ZFHX3: variants seen among roughly 807,000 people sequenced by gnomAD.
ZFHX3 encodes zinc finger homeobox 3.
ZFHX3 carries 42 observed loss-of-function variants against 279.1 expected under a neutral mutation model. The observed-to-expected ratio is 0.15, with a 90% CI of 0.12 to 0.19. The LOEUF (loss-of-function observed/expected upper bound fraction) is 0.19. Among genes scored for constraint, ZFHX3 ranks in the 10% least tolerant of loss-of-function variants. The probability of loss-of-function intolerance (pLI) is 1.00; values close to 1 mark genes in which losing one functional copy is unlikely to be tolerated. For missense variants in ZFHX3, 4,981 were observed against 4,754.0 expected (o/e 1.05, Z -1.40); for synonymous variants, 2,293 against 1,957.8 (o/e 1.17, Z -4.52).
intron 1 of ZFHX3, among the ~76,000 whole-genome samples, chr16:73,036,561 GGGAGGTTGAAAAGGCGCAGGGA>G (rs1269261580): frequency 1.3e-5 from 2 of 152,046 alleles, no homozygotes; most frequent in Non-Finnish European, 2.9e-5. Flanking sequence ...TCTAAAGAGG[GGGAGGTTGAAAAGGCGCAGGGA>G]GGAGGAGGGA....
chr16:73,494,194 G>A (rs534951519), intron 2 of ZFHX3, among the ~76,000 whole-genome samples: 1 of 152,230 alleles, frequency 6.6e-6, no homozygotes, highest in South Asian at 2.1e-4. Flanking sequence ...TAGTCAATTC[G>A]TTCAGGTCCC....
intron 9 of ZFHX3, 92 bp from the exon 10 acceptor site, chr16:72,788,940 T>G: frequency 6.7e-7 from 1 of 1,482,416 alleles, no homozygotes; most frequent in Non-Finnish European, 9.0e-7. Context: ...GGCACACAGT[T>G]TGAGATGTCA....
At chr16:73,417,641 T>C (rs1285236565) in intron 3 of ZFHX3, among the ~76,000 whole-genome samples, 1 of 151,664 alleles carries the variant, frequency 6.6e-6, no homozygotes, top group Non-Finnish European at 1.5e-5. Flanking sequence ...AAATTTTTTG[T>C]TGTCTAAAAT....
chr16:73,734,576 A>C (rs558347976), intron 1 of ZFHX3, among the ~76,000 whole-genome samples: 1 of 152,290 alleles, frequency 6.6e-6, no homozygotes, highest in African/African-American at 2.4e-5. Context: ...TATTCCATTT[A>C]TAGAATTATC....
chr16:73,627,755 A>G (rs1234682083), intron 2 of ZFHX3, among the ~76,000 whole-genome samples: 1 of 152,074 alleles, frequency 6.6e-6, no homozygotes, highest in Admixed American at 6.6e-5. Flanking sequence ...TGTCTCTACT[A>G]AAAAACACAA....
chr16:72,850,518 T>G (rs142856425), intron 4 of ZFHX3, among the ~76,000 whole-genome samples: 114 of 152,286 alleles, frequency 7.5e-4, no homozygotes, highest in African/African-American at 2.6e-3. Flanking sequence ...CGAGAAGTTT[T>G]TAGGGACATT....
chr16:73,604,395 A>C (rs2052156152), intron 2 of ZFHX3, among the ~76,000 whole-genome samples: 1 of 152,118 alleles, frequency 6.6e-6, no homozygotes, highest in African/African-American at 2.4e-5. Context: ...AATCTAATCC[A>C]CTGGAAACAT....
Position 73,810,627 on chromosome 16 carries a change from T to G in ZFHX3, c.-1608+81024A>C, listed in dbSNP as rs895623292. Reference sequence around the variant, plus strand: ...GCAACCCTATAAATTATGGCATTTATTATTCCTGTTGCAAAAGAAGAAATA... The same window carrying G: ...GCAACCCTATAAATTATGGCATTTAGTATTCCTGTTGCAAAAGAAGAAATA... On this transcript the variant is annotated intron_variant, in intron 1 of 17. Coordinates refer to the ZFHX3 transcript ENST00000641206. Among the ~76,000 whole-genome samples the G allele has an allele frequency of 4.6e-5, 7 of 152,162 alleles. No individual in the cohort carries two copies. In the East Asian group the frequency reaches 1.4e-3, roughly 29 times the overall value.
chr16:73,019,202 T>C (rs1182001331), intron 1 of ZFHX3, among the ~76,000 whole-genome samples: 1 of 152,232 alleles, frequency 6.6e-6, no homozygotes, highest in Non-Finnish European at 1.5e-5. Context: ...AGTGGCCTGA[T>C]GCTGTTGAAA....
intron 5 of ZFHX3, among the ~76,000 whole-genome samples, chr16:73,235,820 G>A (rs766421538): frequency 3.3e-5 from 5 of 151,922 alleles, no homozygotes; most frequent in Admixed American, 6.6e-5. Flanking sequence ...ATAGGCATGC[G>A]CCACCACGCT....
chr16:72,855,222 T>C (rs2037726831), intron 4 of ZFHX3, among the ~76,000 whole-genome samples: 3 of 152,190 alleles, frequency 2.0e-5, no homozygotes, highest in African/African-American at 7.2e-5. Context: ...ACCAACCTCA[T>C]CAATTATAAC....
intron 2 of ZFHX3, among the ~76,000 whole-genome samples, chr16:73,493,599 G>A (rs1020088101): frequency 6.6e-6 from 1 of 152,202 alleles, no homozygotes; most frequent in African/African-American, 2.4e-5. Flanking sequence ...TACCTGGGAA[G>A]GACAGGTTCA....
intron 7 of ZFHX3, among the ~76,000 whole-genome samples, chr16:73,105,728 G>A (rs184445158): frequency 7.2e-5 from 11 of 152,294 alleles, no homozygotes; most frequent in Middle Eastern, 3.4e-3. Flanking sequence ...ACTCCAGCCT[G>A]TGTGAGAGAG....
At chr16:73,847,562 C>A (rs932113561) in intron 1 of ZFHX3, among the ~76,000 whole-genome samples, 35 of 152,212 alleles carry the variant, frequency 2.3e-4, no homozygotes, top group African/African-American at 8.2e-4. Flanking sequence ...CCACATCCAT[C>A]CTTTGGTGAA....
intron 4 of ZFHX3, among the ~76,000 whole-genome samples, chr16:73,315,792 T>C (rs1395718529): frequency 1.3e-5 from 2 of 152,206 alleles, no homozygotes; most frequent in African/African-American, 4.8e-5. Flanking sequence ...TCAAAGAATA[T>C]TTCCCTATAA....
At chr16:73,327,958 G>T (rs180898227) in intron 3 of ZFHX3, among the ~76,000 whole-genome samples, 1 of 152,220 alleles carries the variant, frequency 6.6e-6, no homozygotes, top group South Asian at 2.1e-4. Context: ...ATAGACACAA[G>T]CATTTAATTT....
At chr16:73,672,241 C>G (rs554354638) in intron 2 of ZFHX3, among the ~76,000 whole-genome samples, 1 of 152,108 alleles carries the variant, frequency 6.6e-6, no homozygotes, top group South Asian at 2.1e-4. Flanking sequence ...TCATCAACAA[C>G]CAGGAAAAGA....
intron 3 of ZFHX3, among the ~76,000 whole-genome samples, chr16:73,391,819 A>G (rs920438929): frequency 6.6e-6 from 1 of 152,170 alleles, no homozygotes; most frequent in African/African-American, 2.4e-5. Flanking sequence ...AATGCCCAAT[A>G]TATCTGGATA....
In ZFHX3 at chr16:72,795,801, C is replaced by T; in HGVS notation, c.6881G>A (p.Arg2294Gln). The change falls in exon 9 of 10, where the codon CGA becomes CAA. Residue 2294 changes from arginine to glutamine, a missense_variant. Physicochemically the swap from Arg to Gln is conservative, Grantham distance 43. Transcript: ENST00000268489. The stretch of plus-strand genomic sequence containing the variant: ...CTCATAATTCTTCCTGGCCTTCTGT[C>T]GGGCATTCTGAAACCACACCACTAT... ...RVIVVWFQNA[R>Q]QKARKNYENQ... 2 of 1,614,150 alleles carry T rather than the reference C, an allele frequency of 1.2e-6. No homozygotes were observed. The highest frequency in any genetic ancestry group is 1.7e-6 in the Non-Finnish European group (2 of 1,180,022).
Sources: gnomAD v4.1 joint callset for allele counts (sites outside exome capture counted in the v4.1 genomes callset) on GRCh38, gnomAD v4.1.1 for gene constraint, MANE v1.5 for transcripts, NCBI Gene and HGNC (gene_info 2026-07-23, HGNC 2026-07-21) for gene names.